SLC14A2: variants seen among roughly 807,000 people sequenced by gnomAD.
SLC14A2 encodes the protein urea transporter 2.
Under a neutral mutation model 104.6 loss-of-function variants are expected in SLC14A2, and 91 were observed. The ratio of observed to expected loss-of-function variants is 0.87; its 90% CI spans 0.73 to 1.04. The LOEUF is 1.04. SLC14A2 is among the 50% of genes least tolerant of loss of function. The probability of loss-of-function intolerance (pLI) is 0.00; values close to 1 mark genes in which losing one functional copy is unlikely to be tolerated. For missense variants in SLC14A2, 1,189 were observed against 1,156.0 expected (o/e 1.03, Z -0.41); for synonymous variants, 476 against 466.4 (o/e 1.02, Z -0.27).
chr18:45,237,099 A>T (rs1162827875), intron 1 of SLC14A2, among the ~76,000 whole-genome samples: 2 of 152,186 alleles, frequency 1.3e-5, no homozygotes, highest in African/African-American at 4.8e-5. Context: ...CAGCTCAGCC[A>T]TAGAAAGAAC....
intron 1 of SLC14A2, among the ~76,000 whole-genome samples, chr18:45,289,845 G>C (rs972151020): frequency 2.0e-5 from 3 of 152,166 alleles, no homozygotes; most frequent in Non-Finnish European, 4.4e-5. Context: ...AATGGTTACT[G>C]TCAAAGTCAG....
chr18:45,335,910 A>G (rs1037344055), intron 1 of SLC14A2, among the ~76,000 whole-genome samples: 2 of 152,190 alleles, frequency 1.3e-5, no homozygotes, highest in Non-Finnish European at 2.9e-5. Flanking sequence ...CAGGTAGATG[A>G]AGCGCTGGGC....
chr18:45,487,864 G>A (rs752414544), intron 2 of SLC14A2, among the ~76,000 whole-genome samples: 4 of 152,192 alleles, frequency 2.6e-5, no homozygotes, highest in African/African-American at 4.8e-5. Context: ...GTGTATGTGT[G>A]TTGGGGAGAA....
At chr18:45,584,888 A>C (rs1386783555) in intron 2 of SLC14A2, among the ~76,000 whole-genome samples, 1 of 152,236 alleles carries the variant, frequency 6.6e-6, no homozygotes, top group Non-Finnish European at 1.5e-5. Context: ...CTTGAGATGA[A>C]ACGCAGCAGA....
intron 2 of SLC14A2, among the ~76,000 whole-genome samples, chr18:45,555,505 C>T (rs916400758): frequency 3.0e-4 from 46 of 152,294 alleles, no homozygotes; most frequent in Admixed American, 2.7e-3. Context: ...CCTGTGACTT[C>T]CTTAATACAA....
intron 2 of SLC14A2, among the ~76,000 whole-genome samples, chr18:45,547,752 A>G (rs2043994029): frequency 1.3e-5 from 2 of 152,160 alleles, no homozygotes; most frequent in Admixed American, 1.3e-4. Flanking sequence ...TACTTACATA[A>G]CTGTAAGGAA....
intron 4 of SLC14A2, among the ~76,000 whole-genome samples, chr18:45,629,746 G>A (rs1287324422): frequency 1.3e-5 from 2 of 152,118 alleles, no homozygotes; most frequent in South Asian, 2.1e-4. Flanking sequence ...TTTTACAAGG[G>A]GGGATGCACA....
the SLC14A2 span, among the ~76,000 whole-genome samples, chr18:45,186,600 A>G: frequency 1.3e-5 from 2 of 152,222 alleles, no homozygotes; most frequent in African/African-American, 4.8e-5. Context: ...ACAGAATGTC[A>G]AGGATTTTTT....
intron 2 of SLC14A2, among the ~76,000 whole-genome samples, chr18:45,508,467 T>G (rs936618507): frequency 6.6e-6 from 1 of 152,230 alleles, no homozygotes; most frequent in African/African-American, 2.4e-5. Flanking sequence ...TACCGCCATG[T>G]GACATGTGCC....
At chr18:45,675,711 T>TATATATATATATA in intron 18 of SLC14A2, among the ~76,000 whole-genome samples, 1 of 49,326 alleles carries the variant, frequency 2.0e-5, no homozygotes, top group African/African-American at 6.7e-5. Context: ...ATATATATAT[T>TATATATATATATA]TTTTTTTTTT....
intron 1 of SLC14A2, among the ~76,000 whole-genome samples, chr18:45,291,114 G>A (rs1220956364): frequency 2.0e-5 from 3 of 152,176 alleles, no homozygotes; most frequent in African/African-American, 4.8e-5. Flanking sequence ...TCCTGCCTTC[G>A]AGTCACAAAT....
chr18:45,512,705 C>T (rs2043382937), intron 2 of SLC14A2, among the ~76,000 whole-genome samples: 2 of 152,158 alleles, frequency 1.3e-5, no homozygotes, highest in Admixed American at 1.3e-4. Context: ...TCACGGCAGC[C>T]TCCCCGGGAG....
chr18:45,327,214 C>T (rs2085244208), intron 1 of SLC14A2, among the ~76,000 whole-genome samples: 1 of 151,700 alleles, frequency 6.6e-6, no homozygotes, highest in Non-Finnish European at 1.5e-5. Context: ...AGCTATCCCA[C>T]CTACTTGGTA....
At chr18:45,548,593 A>G (rs1388062451) in intron 2 of SLC14A2, among the ~76,000 whole-genome samples, 1 of 152,150 alleles carries the variant, frequency 6.6e-6, no homozygotes, top group Non-Finnish European at 1.5e-5. Context: ...GGTCCCAGCT[A>G]CTCAGGGGGC....
At chr18:45,285,457 G>A (rs1568135263) in intron 1 of SLC14A2, among the ~76,000 whole-genome samples, 1 of 151,968 alleles carries the variant, frequency 6.6e-6, no homozygotes, top group Admixed American at 6.5e-5. Flanking sequence ...CTCATCTGTC[G>A]CCTAGTCTGG....
chr18:45,392,246 C>T (rs1042475706), intron 1 of SLC14A2, among the ~76,000 whole-genome samples: 1 of 152,168 alleles, frequency 6.6e-6, no homozygotes, highest in Non-Finnish European at 1.5e-5. Context: ...GAGGTCTCCC[C>T]AACACACATG....
rs141211576 is a variant in SLC14A2 at position 45,524,116 on chromosome 18, G to A, written c.-35+40794G>A. Among the ~76,000 whole-genome samples, 551 of 152,294 alleles carry A rather than the reference G, an allele frequency of 3.6e-3. 2 individuals are homozygous for A. Among genetic ancestry groups the A allele is most frequent in the Admixed American group, 4.4e-3 (68 of 15,304 alleles). On this transcript the variant is annotated intron_variant, in intron 2 of 20. Transcript: ENST00000586448. The stretch of plus-strand genomic sequence containing the variant: ...TGGCAGTAACAAGTATAAAGCACCT[G>A]GATGGAGCCTGGTCCTTAGTGGGTG...
At chr18:45,624,383 C>T (rs1399417719) in intron 1 of SLC14A2, among the ~76,000 whole-genome samples, 1 of 152,192 alleles carries the variant, frequency 6.6e-6, no homozygotes, top group Admixed American at 6.5e-5. Context: ...AGAGAGACTT[C>T]CATTCTGACT....
chr18:45,482,799 C>T (rs1049147581), intron 1 of SLC14A2, among the ~76,000 whole-genome samples: 3 of 152,142 alleles, frequency 2.0e-5, no homozygotes, highest in Admixed American at 2.0e-4. Flanking sequence ...AGTGATCACA[C>T]AGTTATACAA....
Sources: gnomAD v4.1 joint callset for allele counts (sites outside exome capture counted in the v4.1 genomes callset) on GRCh38, gnomAD v4.1.1 for gene constraint, MANE v1.5 for transcripts, NCBI Gene and HGNC (gene_info 2026-07-23, HGNC 2026-07-21) for gene names.